OR10J1: variants seen among roughly 807,000 people sequenced by gnomAD.
OR10J1 encodes olfactory receptor family 10 subfamily J member 1.
For synonymous variants in OR10J1, 202 were observed against 143.8 expected (o/e 1.40, Z -2.89); for missense variants, 474 against 376.6 (o/e 1.26, Z -2.14).
chr1:159,421,333 C>T, the OR10J1 span, among the ~76,000 whole-genome samples: 6 of 152,088 alleles, frequency 3.9e-5, no homozygotes, highest in East Asian at 1.2e-3. Flanking sequence ...TTTCAGTCAT[C>T]TCTTTTATCT....
the OR10J1 span, among the ~76,000 whole-genome samples, chr1:159,420,916 C>A: frequency 2.0e-5 from 3 of 151,998 alleles, no homozygotes; most frequent in Non-Finnish European, 4.4e-5. Flanking sequence ...ATCTTTGAGA[C>A]TCCTGTATCT....
At chr1:159,430,803 C>G in the OR10J1 span, among the ~76,000 whole-genome samples, 6 of 152,216 alleles carry the variant, frequency 3.9e-5, no homozygotes, top group South Asian at 6.2e-4. Flanking sequence ...GTATCAGGAA[C>G]TGCACTTGGC....
chr1:159,437,598 T>C (rs1217808879), upstream of OR10J1, among the ~76,000 whole-genome samples: 4 of 152,214 alleles, frequency 2.6e-5, no homozygotes, highest in African/African-American at 7.2e-5. Flanking sequence ...TATTTCAACT[T>C]GAAGCAAAAA....
At chr1:159,428,714 ATG>A in the OR10J1 span, among the ~76,000 whole-genome samples, 1 of 152,160 alleles carries the variant, frequency 6.6e-6, no homozygotes, top group Non-Finnish European at 1.5e-5. Flanking sequence ...TTAATAGCTT[ATG>A]AGCTCAAGTA....
At chr1:159,415,246 A>T in the OR10J1 span, among the ~76,000 whole-genome samples, 1 of 151,890 alleles carries the variant, frequency 6.6e-6, no homozygotes, top group African/African-American at 2.4e-5. Flanking sequence ...TGATTTTTTT[A>T]TATGGTGAGA....
the OR10J1 span, among the ~76,000 whole-genome samples, chr1:159,409,907 AG>A: frequency 9.2e-5 from 14 of 152,062 alleles, 1 homozygote; most frequent in Admixed American, 6.6e-4. Flanking sequence ...TTTAGCATGA[AG>A]GGTTGTTGAA....
the OR10J1 span, among the ~76,000 whole-genome samples, chr1:159,402,763 T>C: frequency 6.6e-6 from 1 of 151,904 alleles, no homozygotes; most frequent in Non-Finnish European, 1.5e-5. Context: ...AAACCAATCA[T>C]AAAATTTATA....
the OR10J1 span, among the ~76,000 whole-genome samples, chr1:159,413,989 A>T: frequency 6.6e-6 from 1 of 151,982 alleles, no homozygotes; most frequent in East Asian, 1.9e-4. Flanking sequence ...TTACATATTT[A>T]TGGGGTACAT....
At position 159,440,583 on chromosome 1, in the gene OR10J1, G is replaced by C. The variant is rs1429190492; in HGVS notation, c.792G>C (p.Glu264Asp). ...TTGCCTACCTCAAGCCCAAGTCAGA[G>C]AACACCAGAGAACATGACCAGCTGA... The part of the protein sequence containing the change: ...ASIAYLKPKS[E>D]NTREHDQLIS... The change falls in exon 1 of 1, where the codon GAG (glutamate) becomes GAC (aspartate). Residue 264 changes from glutamate to aspartate, a missense_variant. Coordinates refer to ENST00000423932, the MANE Select transcript of OR10J1 (RefSeq NM_012351.3). The C allele has an allele frequency of 1.2e-6, 2 of 1,613,768 alleles. No homozygotes were observed. The highest frequency in any genetic ancestry group is 1.7e-6 in the Non-Finnish European group (2 of 1,179,960).
At chr1:159,413,481 C>T in the OR10J1 span, among the ~76,000 whole-genome samples, 1 of 152,026 alleles carries the variant, frequency 6.6e-6, no homozygotes, top group South Asian at 2.1e-4. Flanking sequence ...AAATGTGGCA[C>T]ATATACACCA....
the OR10J1 span, among the ~76,000 whole-genome samples, chr1:159,408,763 C>T: frequency 1.3e-5 from 2 of 151,978 alleles, no homozygotes; most frequent in South Asian, 2.1e-4. Flanking sequence ...TGAGTCAATA[C>T]ATAAATCATT....
At chr1:159,422,184 G>C in the OR10J1 span, among the ~76,000 whole-genome samples, 2 of 152,134 alleles carry the variant, frequency 1.3e-5, no homozygotes, top group African/African-American at 2.4e-5. Flanking sequence ...GGTGTGCCGA[G>C]TACTGGAGTT....
the OR10J1 span, among the ~76,000 whole-genome samples, chr1:159,423,000 T>C: frequency 1.3e-5 from 2 of 152,202 alleles, no homozygotes; most frequent in Admixed American, 6.5e-5. Flanking sequence ...AGTAATTATA[T>C]ACTCACTAAT....
chr1:159,424,160 G>A, the OR10J1 span, among the ~76,000 whole-genome samples: 1 of 150,510 alleles, frequency 6.6e-6, no homozygotes, highest in Non-Finnish European at 1.5e-5. Flanking sequence ...AGGTTGTATT[G>A]AGCAGAGATC....
upstream of OR10J1, chr1:159,439,631 A>T (rs894883402): frequency 2.5e-6 from 2 of 815,834 alleles, no homozygotes; most frequent in Non-Finnish European, 3.9e-6. Flanking sequence ...TTAAGTAAAG[A>T]TAAGTAAACC....
At chr1:159,422,945 A>G in the OR10J1 span, among the ~76,000 whole-genome samples, 3 of 152,072 alleles carry the variant, frequency 2.0e-5, no homozygotes, top group African/African-American at 7.2e-5. Context: ...GGTGCTTCCT[A>G]TAACTGTTCT....
the OR10J1 span, among the ~76,000 whole-genome samples, chr1:159,411,741 G>T: frequency 6.6e-6 from 1 of 151,990 alleles, no homozygotes; most frequent in Non-Finnish European, 1.5e-5. Context: ...TCCTGTCATT[G>T]TGATGTTAGC....
At chr1:159,399,227 T>A in the OR10J1 span, among the ~76,000 whole-genome samples, 1 of 151,976 alleles carries the variant, frequency 6.6e-6, no homozygotes. Context: ...AAATGAAGAC[T>A]TTTCCAGACA....
upstream of OR10J1, among the ~76,000 whole-genome samples, chr1:159,434,410 A>C (rs1655678002): frequency 6.6e-6 from 1 of 152,200 alleles, no homozygotes; most frequent in Non-Finnish European, 1.5e-5. Context: ...GAAGTTTAGG[A>C]ATAGTGTATT....
Sources: allele counts gnomAD v4.1 joint callset (sites outside exome capture counted in the v4.1 genomes callset), GRCh38; gene constraint gnomAD v4.1.1; transcripts MANE v1.5; gene names NCBI Gene and HGNC (gene_info 2026-07-23, HGNC 2026-07-21).